Variants in NRG1 observed in about 807,000 individuals in gnomAD.
The protein encoded by NRG1 is pro-neuregulin-1, membrane-bound isoform.
In NRG1, 18 loss-of-function variants were observed where a neutral mutation model predicts 63.8. The observed-to-expected ratio is 0.28, with a 90% CI of 0.19 to 0.42. The LOEUF is 0.42. Ranked by LOEUF, NRG1 falls within the 10% of genes least tolerant of loss-of-function variation. The pLI is 1.00. For missense variants in NRG1, 762 were observed against 814.7 expected (o/e 0.94, Z 0.79); for synonymous variants, 302 against 301.3 (o/e 1.00, Z -0.02).
At chr8:32,147,863 AT>A (rs1051324677) in intron 1 of NRG1, among the ~76,000 whole-genome samples, 1 of 152,052 alleles carries the variant, frequency 6.6e-6, no homozygotes, top group East Asian at 1.9e-4. Flanking sequence ...CATTATCTTT[AT>A]TTTTTTATTT....
rs530288139 is a variant in NRG1 at position 32,751,446 on chromosome 8, C to T, written c.692-2926C>T. On this transcript the variant is annotated intron_variant, in intron 7 of 11. Coordinates refer to ENST00000356819, the Ensembl canonical transcript of NRG1. ...CCCTGTCTGTCTCTAATTTGCTCTTCCCCAGTTGACCTGACACATAAGAAA... is the reference window on the plus strand; with the variant it reads ...CCCTGTCTGTCTCTAATTTGCTCTTTCCCAGTTGACCTGACACATAAGAAA... 3.3e-5 allele frequency among the ~76,000 whole-genome samples: 5 copies of T among 152,254 alleles called. 1 individual carries two copies. In the South Asian group the frequency reaches 8.3e-4, roughly 25 times the overall value.
At chr8:31,647,629 A>G (rs774656818) in intron 1 of NRG1, among the ~76,000 whole-genome samples, 10 of 152,174 alleles carry the variant, frequency 6.6e-5, no homozygotes, top group Non-Finnish European at 1.5e-4. Flanking sequence ...GGTGGTTGCC[A>G]GGATGGAGAG....
chr8:31,685,962 A>G (rs1460289952), intron 1 of NRG1, among the ~76,000 whole-genome samples: 2 of 152,184 alleles, frequency 1.3e-5, no homozygotes, highest in Non-Finnish European at 2.9e-5. Flanking sequence ...GAACATTCAT[A>G]TACAAGTTTT....
At chr8:32,291,824 T>C (rs10216989) in intron 1 of NRG1, among the ~76,000 whole-genome samples, 7,701 of 152,170 alleles carry the variant, frequency 0.051, 474 homozygotes, top group African/African-American at 0.15. Flanking sequence ...AGATTATTGC[T>C]ATCCACTCTT....
chr8:32,603,969 T>A (rs1363909555), intron 2 of NRG1, among the ~76,000 whole-genome samples: 1 of 152,208 alleles, frequency 6.6e-6, no homozygotes, highest in Admixed American at 6.5e-5. Context: ...TATTCAATAA[T>A]GTCTGAAGAG....
At chr8:31,644,488 A>T (rs1804106912) in intron 1 of NRG1, among the ~76,000 whole-genome samples, 3 of 152,168 alleles carry the variant, frequency 2.0e-5, no homozygotes, top group Admixed American at 2.0e-4. Context: ...TGGGGTATCT[A>T]TAAATCCTCT....
intron 1 of NRG1, among the ~76,000 whole-genome samples, chr8:32,229,455 G>A (rs1211454312): frequency 2.6e-5 from 4 of 152,090 alleles, no homozygotes; most frequent in Non-Finnish European, 4.4e-5. Flanking sequence ...TCACTCATTC[G>A]TGTGCCTGCT....
chr8:32,128,339 C>A (rs1042348779), intron 1 of NRG1, among the ~76,000 whole-genome samples: 1 of 151,844 alleles, frequency 6.6e-6, no homozygotes, highest in South Asian at 2.1e-4. Flanking sequence ...AATTAGAGGG[C>A]AATGTGCATT....
chr8:31,900,346 A>G (rs1831968675), intron 1 of NRG1, among the ~76,000 whole-genome samples: 1 of 152,202 alleles, frequency 6.6e-6, no homozygotes, highest in Admixed American at 6.5e-5. Context: ...CTCTAGTGAA[A>G]AATGGAATTC....
intron 1 of NRG1, among the ~76,000 whole-genome samples, chr8:31,954,559 C>T (rs186021625): frequency 9.3e-4 from 142 of 152,198 alleles, no homozygotes; most frequent in Admixed American, 3.6e-3. Flanking sequence ...GCATGGTTAA[C>T]CCTTGTTATG....
At chr8:32,712,237 A>G (rs1818008026) in intron 5 of NRG1, among the ~76,000 whole-genome samples, 1 of 152,184 alleles carries the variant, frequency 6.6e-6, no homozygotes, top group Admixed American at 6.6e-5. Flanking sequence ...AATGATGATA[A>G]TCCAGTTAAA....
intron 1 of NRG1, among the ~76,000 whole-genome samples, chr8:31,728,760 A>G (rs1238484795): frequency 6.6e-6 from 1 of 152,202 alleles, no homozygotes; most frequent in South Asian, 2.1e-4. Flanking sequence ...AGGTAAATGC[A>G]ACTGTACTAT....
At chr8:32,763,384 T>C in intron 11 of NRG1, 2 of 1,609,722 alleles carry the variant, frequency 1.2e-6, no homozygotes, top group Non-Finnish European at 8.5e-7. Flanking sequence ...TAATACTTCT[T>C]TCCCTTCCGA....
chr8:32,596,616 C>A (rs894666380), intron 2 of NRG1, among the ~76,000 whole-genome samples: 22 of 144,402 alleles, frequency 1.5e-4, no homozygotes, highest in African/African-American at 5.1e-4. Flanking sequence ...AAAAAAAATG[C>A]AATTTCTTTA....
chr8:31,695,466 G>A (rs999870905), intron 1 of NRG1, among the ~76,000 whole-genome samples: 4 of 152,106 alleles, frequency 2.6e-5, no homozygotes, highest in Admixed American at 1.3e-4. Context: ...CACCATGCTC[G>A]GCCTACACAC....
intron 1 of NRG1, among the ~76,000 whole-genome samples, chr8:32,482,267 T>C (rs1049811754): frequency 1.3e-5 from 2 of 152,046 alleles, no homozygotes; most frequent in African/African-American, 2.4e-5. Context: ...ACTGAAACTA[T>C]CAAAATGAGG....
intron 1 of NRG1, among the ~76,000 whole-genome samples, chr8:32,459,452 T>C (rs1465435536): frequency 2.0e-5 from 3 of 152,112 alleles, no homozygotes; most frequent in African/African-American, 7.2e-5. Context: ...CAAATTCTCC[T>C]TAAAACAGCC....
chr8:32,156,922 G>A (rs368782544), intron 1 of NRG1, among the ~76,000 whole-genome samples: 1 of 152,194 alleles, frequency 6.6e-6, no homozygotes, highest in East Asian at 1.9e-4. Flanking sequence ...GGTCAACAGA[G>A]TGAGACCCTA....
At chr8:32,318,382 A>G (rs929014054) in intron 1 of NRG1, among the ~76,000 whole-genome samples, 2 of 152,184 alleles carry the variant, frequency 1.3e-5, no homozygotes, top group Non-Finnish European at 2.9e-5. Flanking sequence ...GGGCTACCTC[A>G]TGCTTTTTGT....
Sources: allele counts gnomAD v4.1 joint callset (sites outside exome capture counted in the v4.1 genomes callset), GRCh38; gene constraint gnomAD v4.1.1; transcripts MANE v1.5; gene names NCBI Gene and HGNC (gene_info 2026-07-23, HGNC 2026-07-21).